Variants in AP3B1 observed in about 807,000 individuals in gnomAD.
AP3B1 encodes AP-3 complex subunit beta-1.
In AP3B1, 61 loss-of-function variants were observed where a neutral mutation model predicts 132.5. The observed-to-expected ratio is 0.46, with a 90% confidence interval of 0.37 to 0.57. The LOEUF (loss-of-function observed/expected upper bound fraction) is 0.57. AP3B1 is among the 20% of genes least tolerant of loss of function. The probability of loss-of-function intolerance (pLI) is 0.00; values close to 1 mark genes in which losing one functional copy is unlikely to be tolerated. For missense variants in AP3B1, 1,120 were observed against 1,289.4 expected (o/e 0.87, Z 2.01); for synonymous variants, 388 against 438.3 (o/e 0.89, Z 1.43).
Position 78,128,024 on chromosome 5 carries a change from ACTTAC to A in AP3B1, c.1968+1_1968+5del. On this transcript the variant is annotated splice_donor_variant and splice_donor_5th_base_variant and intron_variant, in intron 17 of 26. Coordinates refer to ENST00000255194, the MANE Select transcript of AP3B1 (RefSeq NM_003664.5). LOFTEE classifies it high-confidence loss of function. ...GGCAAAATTAATTTCAGAAAGGTCA[ACTTAC>A]CAACTCTATTACTTCTACATTTCGA... 1 of 1,612,404 alleles carries A rather than the reference ACTTAC, an allele frequency of 6.2e-7. No homozygotes were observed. Among genetic ancestry groups the A allele is most frequent in the Non-Finnish European group, 8.5e-7 (1 of 1,178,648 alleles).
intron 14 of AP3B1, among the ~76,000 whole-genome samples, chr5:78,143,412 G>A (rs574965848): frequency 6.7e-6 from 1 of 149,516 alleles, no homozygotes; most frequent in South Asian, 2.1e-4. Context: ...TAGTTTTCTA[G>A]AACTGAGCTA....
intron 6 of AP3B1, 128 bp downstream of exon 6, chr5:78,225,414 C>T: frequency 4.0e-6 from 2 of 502,430 alleles, no homozygotes; most frequent in South Asian, 9.2e-5. Context: ...AAAAATAGTC[C>T]TGTGTGCCAT....
intron 7 of AP3B1, among the ~76,000 whole-genome samples, chr5:78,189,290 C>A (rs1009375635): frequency 4.0e-5 from 6 of 151,798 alleles, no homozygotes; most frequent in Non-Finnish European, 5.9e-5. Context: ...TCTATAGTGT[C>A]CTCTATGAAC....
At chr5:78,045,380 CAAA>C (rs71608139) in intron 22 of AP3B1, among the ~76,000 whole-genome samples, 4 of 63,908 alleles carry the variant, frequency 6.3e-5, no homozygotes, top group Non-Finnish European at 9.8e-5. Context: ...GGCTCTGTCT[CAAA>C]AAAAAAAAAA....
intron 7 of AP3B1, among the ~76,000 whole-genome samples, chr5:78,215,357 T>C (rs1745916613): frequency 6.6e-6 from 1 of 152,070 alleles, no homozygotes; most frequent in African/African-American, 2.4e-5. Context: ...ATCTTAAATG[T>C]ATACATCCTA....
intron 1 of AP3B1, among the ~76,000 whole-genome samples, chr5:78,277,259 C>A (rs888143852): frequency 6.6e-6 from 1 of 152,150 alleles, no homozygotes; most frequent in Non-Finnish European, 1.5e-5. Context: ...CTGGGCCTAG[C>A]ACATTTATTT....
At chr5:78,161,672 T>C (rs1176672390) in intron 13 of AP3B1, among the ~76,000 whole-genome samples, 7 of 152,024 alleles carry the variant, frequency 4.6e-5, no homozygotes, top group Admixed American at 3.3e-4. Flanking sequence ...ACCTATCGTC[T>C]TGATAATTTT....
rs541397483 is a variant in AP3B1 at position 78,279,535 on chromosome 5, ATCTTGTTTTGAAAT to A, written c.129-11954_129-11941del. ...TGGCAAAGCAAGGAATTAAATTTCA[ATCTTGTTTTGAAAT>A]TCAACATTCTTCCTATTCACCATAC... On this transcript the variant is annotated intron_variant, in intron 1 of 26. Coordinates refer to ENST00000255194, the MANE Select transcript of AP3B1 (RefSeq NM_003664.5). Among the ~76,000 whole-genome samples the A allele has an allele frequency of 8.5e-5, 13 of 152,148 alleles. No homozygotes were observed. In the East Asian group the frequency reaches 2.3e-3, roughly 27 times the overall value.
At chr5:78,108,724 C>T (rs1751447242) in intron 20 of AP3B1, among the ~76,000 whole-genome samples, 1 of 152,144 alleles carries the variant, frequency 6.6e-6, no homozygotes, top group African/African-American at 2.4e-5. Flanking sequence ...AAGAAACAAA[C>T]AGAATCACTG....
chr5:78,184,686 C>CAAAAAAAAAAAAAAAAAAAAAAAAAAA (rs772722596), intron 7 of AP3B1, among the ~76,000 whole-genome samples: 6 of 110,550 alleles, frequency 5.4e-5, no homozygotes, highest in African/African-American at 2.2e-4. Context: ...GACACTGTCT[C>CAAAAAAAAAAAAAAAAAAAAAAAAAAA]AAAAAAAAAA....
Position 78,294,655 on chromosome 5 carries a change from A to G in AP3B1, c.-76T>C. 6.2e-7 allele frequency: 1 copy of G among 1,606,844 alleles called. No individual in the cohort carries two copies. The highest frequency in any genetic ancestry group is 8.5e-7 in the Non-Finnish European group (1 of 1,177,918). On this transcript the variant is annotated 5_prime_UTR_variant, in exon 1 of 27. Transcript: ENST00000255194. ...AAAGGTTCCAGTCCAGAGGGCACGG[A>G]ACAAAACTAGTTCTCGTACGGAGGA... is the stretch of plus-strand genomic sequence containing the variant.
intron 1 of AP3B1, among the ~76,000 whole-genome samples, chr5:78,286,326 T>C (rs1749279397): frequency 6.6e-6 from 1 of 152,184 alleles, no homozygotes; most frequent in Admixed American, 6.5e-5. Context: ...GCCAATATGA[T>C]AGCATTAAGA....
intron 7 of AP3B1, among the ~76,000 whole-genome samples, chr5:78,211,985 G>A (rs1037315455): frequency 6.6e-6 from 1 of 152,144 alleles, no homozygotes; most frequent in Non-Finnish European, 1.5e-5. Flanking sequence ...GGAATACTAT[G>A]TAAGAAAGTA....
intron 11 of AP3B1, among the ~76,000 whole-genome samples, chr5:78,172,446 T>G (rs1372507605): frequency 6.6e-6 from 1 of 152,244 alleles, no homozygotes; most frequent in Non-Finnish European, 1.5e-5. Flanking sequence ...ATTCAACTTC[T>G]TCCTCGTTTA....
chr5:78,118,064 G>C (rs1448459547), intron 17 of AP3B1, among the ~76,000 whole-genome samples: 3 of 152,140 alleles, frequency 2.0e-5, no homozygotes, highest in African/African-American at 4.8e-5. Flanking sequence ...CCTGAGAATA[G>C]TTTTTAAACG....
At chr5:78,204,736 TC>T (rs1460865955) in intron 7 of AP3B1, among the ~76,000 whole-genome samples, 1 of 152,140 alleles carries the variant, frequency 6.6e-6, no homozygotes, top group Non-Finnish European at 1.5e-5. Context: ...TAATCACACC[TC>T]TTTGCGAACA....
At chr5:78,166,760 T>C (rs1250990614) in intron 11 of AP3B1, among the ~76,000 whole-genome samples, 1 of 152,132 alleles carries the variant, frequency 6.6e-6, no homozygotes, top group Admixed American at 6.5e-5. Context: ...GATACCCTAT[T>C]CAACAAATGG....
intron 2 of AP3B1, among the ~76,000 whole-genome samples, chr5:78,242,429 C>T (rs547060126): frequency 6.6e-6 from 1 of 151,816 alleles, no homozygotes. Context: ...TTTTTTAAGA[C>T]AGTATCTCAC....
chr5:78,151,585 T>C (rs938605036), intron 14 of AP3B1, among the ~76,000 whole-genome samples: 1 of 152,174 alleles, frequency 6.6e-6, no homozygotes, highest in African/African-American at 2.4e-5. Flanking sequence ...TTTTATCAAA[T>C]GCTATTTCAG....
Sources: gnomAD v4.1 joint callset for allele counts (sites outside exome capture counted in the v4.1 genomes callset) on GRCh38, gnomAD v4.1.1 for gene constraint, MANE v1.5 for transcripts, NCBI Gene and HGNC (gene_info 2026-07-23, HGNC 2026-07-21) for gene names.